Variants in UBAP2 observed in about 807,000 individuals in gnomAD.
UBAP2 encodes ubiquitin-associated protein 2.
In UBAP2, 75 loss-of-function variants were observed where a neutral mutation model predicts 139.6. That is an observed-to-expected ratio of 0.54 (90% CI 0.45 to 0.65). UBAP2 has a LOEUF of 0.65. Among genes scored for constraint, UBAP2 ranks in the 30% least tolerant of loss-of-function variants. UBAP2 has a pLI of 0.00. For synonymous variants in UBAP2, 526 were observed against 526.2 expected (o/e 1.00, Z 0.01); for missense variants, 1,368 against 1,369.6 (o/e 1.00, Z 0.02).
intron 1 of UBAP2, among the ~76,000 whole-genome samples, chr9:34,028,442 C>G (rs1333114270): frequency 6.6e-6 from 1 of 151,670 alleles, no homozygotes; most frequent in East Asian, 1.9e-4. Context: ...TGCAGTGGCG[C>G]AACACTGGCT....
rs777572660 is a variant in UBAP2, at chr9:33,924,203, C to T, written c.2590+3G>A. The stretch of plus-strand genomic sequence containing the variant: ...CTACTCCTCATCCATTGAGCAAACT[C>T]ACCTGGATATGGATTATTAGCTAGG... On this transcript the variant is annotated splice_donor_region_variant and intron_variant, in intron 23 of 28. Transcript: ENST00000379238. 1.5e-5 allele frequency: 25 copies of T among 1,614,018 alleles called. No individual in the cohort carries two copies. The Admixed American group carries it at 4.2e-4, about 27-fold the overall frequency.
intron 2 of UBAP2, among the ~76,000 whole-genome samples, chr9:34,003,889 T>A (rs1564057629): frequency 6.6e-6 from 1 of 152,036 alleles, no homozygotes; most frequent in Non-Finnish European, 1.5e-5. Flanking sequence ...CCGGCTAATT[T>A]TTGTATTTTT....
intron 6 of UBAP2, among the ~76,000 whole-genome samples, chr9:33,975,698 C>A (rs900968467): frequency 2.7e-5 from 4 of 148,668 alleles, no homozygotes; most frequent in Non-Finnish European, 5.9e-5. Context: ...CCCAGCTACT[C>A]GGGAGGCTGA....
At chr9:33,926,577 T>C (rs1238116646) in intron 22 of UBAP2, 40 bp downstream of exon 22, 3 of 1,612,706 alleles carry the variant, frequency 1.9e-6, no homozygotes, top group African/African-American at 2.7e-5. Flanking sequence ...ATGTAAAAGA[T>C]TCTGAACCCT....
intron 6 of UBAP2, among the ~76,000 whole-genome samples, chr9:33,982,635 T>C (rs183275326): frequency 3.9e-5 from 6 of 152,196 alleles, no homozygotes; most frequent in African/African-American, 4.8e-5. Context: ...CCAGTAAGAA[T>C]AGGAAGAACA....
chr9:34,017,851 C>T (rs987377833), intron 1 of UBAP2, among the ~76,000 whole-genome samples: 14 of 151,424 alleles, frequency 9.2e-5, no homozygotes, highest in South Asian at 2.1e-4. Context: ...GGCGTGAACC[C>T]GGGAGGCAGA....
At position 33,923,190 on chromosome 9, in the gene UBAP2, G is replaced by A. The variant is rs1023190395; in HGVS notation, c.3000C>T (p.Gly1000=). Residue 1000 remains glycine, a synonymous_variant, in exon 26 of 29, where the codon GGC becomes GGT. Transcript: ENST00000379238. The part of the protein sequence containing the change: ...APNKSAGSGP[G]KGVSVSSSTT... ...GAAAGGAGAGGTAAACACTACCTTT[G>A]CCAGGCCCAGAACCTGCAGACTTGT... The A allele has an allele frequency of 6.2e-7, 1 of 1,614,134 alleles. No homozygotes were observed. Among genetic ancestry groups the A allele is most frequent in the African/African-American group, 1.3e-5 (1 of 75,028 alleles).
intron 8 of UBAP2, chr9:33,968,552 T>A: frequency 2.5e-6 from 1 of 398,218 alleles, no homozygotes; most frequent in South Asian, 2.3e-5. Flanking sequence ...CAGGCTCAAA[T>A]CCCACGTGCC....
intron 6 of UBAP2, among the ~76,000 whole-genome samples, chr9:33,980,558 A>G (rs929731135): frequency 2.0e-5 from 3 of 152,072 alleles, no homozygotes; most frequent in Non-Finnish European, 4.4e-5. Flanking sequence ...TTTCTAATAC[A>G]TAAACACACT....
intron 6 of UBAP2, among the ~76,000 whole-genome samples, chr9:33,981,234 TATATATTCTGG>T (rs1301718090): frequency 9.5e-6 from 1 of 105,460 alleles, no homozygotes; most frequent in Admixed American, 1.1e-4. Flanking sequence ...TGGATATATA[TATATATTCTGG>T]ATATATATAT....
intron 21 of UBAP2, 79 bp from the exon 22 acceptor site, chr9:33,926,743 C>T: frequency 4.6e-6 from 7 of 1,509,306 alleles, no homozygotes; most frequent in Non-Finnish European, 6.5e-6. Flanking sequence ...GGAGTCAAAA[C>T]AAGGTTGGGG....
chr9:34,031,672 CAG>C (rs1010908188), intron 1 of UBAP2, among the ~76,000 whole-genome samples: 27 of 151,872 alleles, frequency 1.8e-4, no homozygotes, highest in African/African-American at 6.5e-4. Flanking sequence ...GCTGGGATCA[CAG>C]GTATGTACCA....
At chr9:33,945,462 T>A (rs1825586385) in intron 13 of UBAP2, among the ~76,000 whole-genome samples, 1 of 151,406 alleles carries the variant, frequency 6.6e-6, no homozygotes, top group Non-Finnish European at 1.5e-5. Context: ...ATGGCGCCAC[T>A]GCACTCCAGC....
At chr9:34,034,028 G>A (rs770210607) in intron 1 of UBAP2, among the ~76,000 whole-genome samples, 6 of 152,034 alleles carry the variant, frequency 3.9e-5, no homozygotes, top group Admixed American at 2.6e-4. Context: ...GACCCACCAC[G>A]CCCGGCTTCA....
At chr9:33,968,825 T>C (rs1354448363) in intron 8 of UBAP2, among the ~76,000 whole-genome samples, 2 of 152,220 alleles carry the variant, frequency 1.3e-5, no homozygotes, top group Non-Finnish European at 2.9e-5. Context: ...TACTCATTTG[T>C]AGTCACTCAC....
chr9:33,995,462 ATATTAAATATATAAATATATTTATAT>A (rs1564053485), intron 4 of UBAP2: 1 of 138,152 alleles, frequency 7.2e-6, no homozygotes, highest in Admixed American at 7.9e-5. Flanking sequence ...TATATAATAT[ATATTAAATATATAAATATATTTATAT>A]TATTAAATAT....
chr9:34,021,416 A>C (rs1258177924), intron 1 of UBAP2, among the ~76,000 whole-genome samples: 1 of 152,184 alleles, frequency 6.6e-6, no homozygotes, highest in Non-Finnish European at 1.5e-5. Flanking sequence ...CACATTTTGC[A>C]TCCTTTTTCA....
intron 1 of UBAP2, among the ~76,000 whole-genome samples, chr9:34,026,831 G>A (rs905275816): frequency 6.6e-6 from 1 of 152,170 alleles, no homozygotes; most frequent in South Asian, 2.1e-4. Context: ...GCTCTACAGT[G>A]TGTGCACTTA....
At chr9:33,955,926 T>C (rs1482865159) in intron 11 of UBAP2, among the ~76,000 whole-genome samples, 153 bp downstream of exon 11, 1 of 151,946 alleles carries the variant, frequency 6.6e-6, no homozygotes, top group African/African-American at 2.4e-5. Flanking sequence ...ATTGAAGCTC[T>C]GTCAGATTTA....
Sources: gnomAD v4.1 joint callset for allele counts (sites outside exome capture counted in the v4.1 genomes callset) on GRCh38, gnomAD v4.1.1 for gene constraint, MANE v1.5 for transcripts, NCBI Gene and HGNC (gene_info 2026-07-23, HGNC 2026-07-21) for gene names.